The following RTN4RL2 variants were observed in gnomAD, a reference collection of about 807,000 sequenced individuals.
RTN4RL2 encodes the protein reticulon 4 receptor like 2, also known as reticulon-4 receptor-like 2.
RTN4RL2 carries 9 observed loss-of-function variants against 27.8 expected under a neutral mutation model. The observed-to-expected ratio is 0.32, with a 90% CI of 0.20 to 0.57. The LOEUF (loss-of-function observed/expected upper bound fraction) is 0.57, where lower values mean the gene tolerates loss of function less well. Ranked by LOEUF, RTN4RL2 falls within the 20% of genes least tolerant of loss-of-function variation. RTN4RL2 has a pLI of 0.90. For synonymous variants in RTN4RL2, 285 were observed against 297.9 expected (o/e 0.96, Z 0.45); for missense variants, 436 against 596.8 (o/e 0.73, Z 2.81).
chr11:57,464,012 C>T (rs754022189), intron 1 of RTN4RL2, among the ~76,000 whole-genome samples: 9 of 152,232 alleles, frequency 5.9e-5, no homozygotes, highest in African/African-American at 9.6e-5. Flanking sequence ...CTGCTTTGCA[C>T]GGCAGTGGCA....
chr11:57,465,651 C>G (rs1210706960), intron 1 of RTN4RL2, among the ~76,000 whole-genome samples: 1 of 152,120 alleles, frequency 6.6e-6, no homozygotes, highest in Non-Finnish European at 1.5e-5. Flanking sequence ...GTGTAGAGGT[C>G]AAGCTAGTTC....
chr11:57,473,137 T>C (rs1056085961), intron 2 of RTN4RL2, among the ~76,000 whole-genome samples: 6 of 152,170 alleles, frequency 3.9e-5, no homozygotes, highest in Non-Finnish European at 8.8e-5. Flanking sequence ...ATGATACCCA[T>C]CCTAGACTGA....
intron 1 of RTN4RL2, 98 bp downstream of exon 1, chr11:57,460,994 G>C: frequency 1.5e-6 from 1 of 681,152 alleles, no homozygotes; most frequent in Non-Finnish European, 2.2e-6. Flanking sequence ...TGGGGAGGTG[G>C]GGTAACCTGG....
At chr11:57,464,229 G>A (rs1231002227) in intron 1 of RTN4RL2, among the ~76,000 whole-genome samples, 1 of 152,166 alleles carries the variant, frequency 6.6e-6, no homozygotes, top group Non-Finnish European at 1.5e-5. Context: ...TGGGGAGCAG[G>A]AGAGTCTAGG....
At chr11:57,469,587 C>T (rs1007069426) in intron 2 of RTN4RL2, among the ~76,000 whole-genome samples, 4 of 152,114 alleles carry the variant, frequency 2.6e-5, no homozygotes, top group Admixed American at 2.0e-4. Flanking sequence ...GCTTGGCATA[C>T]GGTAAGTGCT....
chr11:57,476,539 A>G lies in RTN4RL2; in HGVS notation c.891A>G (p.Arg297=). The change falls in exon 3 of 3, where the codon CGA becomes CGG. Residue 297 remains arginine, a synonymous_variant. Coordinates refer to ENST00000335099, the MANE Select transcript of RTN4RL2 (RefSeq NM_178570.3). The surrounding 1 kb of genome is among the most constrained non-coding windows in gnomAD (Gnocchi z 8.2). ...TCATPPERQG[R]DLRALREADF... is the part of the protein sequence containing the mutation. Reference sequence around the variant, plus strand: ...CCACCCCCCCGGAGCGCCAGGGCCGAGACCTGCGCGCGCTCCGCGAGGCCG... The same window carrying G: ...CCACCCCCCCGGAGCGCCAGGGCCGGGACCTGCGCGCGCTCCGCGAGGCCG... 7.1e-7 allele frequency: 1 copy of G among 1,414,284 alleles called. No individual in the cohort carries two copies. Among genetic ancestry groups the G allele is most frequent in the South Asian group, 1.5e-5 (1 of 66,510 alleles). 87.6% of individuals were successfully genotyped at this position (1,414,284 alleles called of 1,614,324 possible).
In RTN4RL2 at chr11:57,476,280, A is replaced by T; in HGVS notation, c.632A>T (p.His211Leu). 1 of 1,612,244 alleles carries T rather than the reference A, an allele frequency of 6.2e-7. No homozygotes were observed. Among genetic ancestry groups the T allele is most frequent in the Non-Finnish European group, 8.5e-7 (1 of 1,179,480 alleles). Residue 211 changes from histidine to leucine, a missense_variant, in exon 3 of 3, where the codon CAC (histidine) becomes CTC (leucine). This residue lies in a region of RTN4RL2 where 365 missense variants were observed against 530.5 expected (regional missense o/e 0.69). Coordinates refer to ENST00000335099, the MANE Select transcript of RTN4RL2 (RefSeq NM_178570.3). The surrounding 1 kb of genome is among the most constrained non-coding windows in gnomAD (Gnocchi z 8.2). ...GLGSLDRLLL[H>L]GNRLQGVHRA... ...GGCAGCCTGGACCGGCTGCTGCTGC[A>T]CGGGAACCGGCTGCAGGGCGTGCAC...
At chr11:57,473,183 G>C (rs185488873) in intron 2 of RTN4RL2, among the ~76,000 whole-genome samples, 1 of 152,294 alleles carries the variant, frequency 6.6e-6, no homozygotes, top group African/African-American at 2.4e-5. Context: ...GCACAGAGTA[G>C]ACACTCGGTA....
intron 1 of RTN4RL2, among the ~76,000 whole-genome samples, chr11:57,463,749 G>C (rs1009548851): frequency 7.2e-5 from 11 of 152,106 alleles, no homozygotes; most frequent in African/African-American, 2.2e-4. Flanking sequence ...GTGAGAACAG[G>C]GGGTGGGGAA....
chr11:57,468,640 A>C, intron 2 of RTN4RL2: 1 of 1,536,262 alleles, frequency 6.5e-7, no homozygotes, highest in Non-Finnish European at 8.7e-7. Flanking sequence ...AAGTAGAGAG[A>C]GAAGGCAGAG....
chr11:57,472,474 G>A (rs1943569057), intron 2 of RTN4RL2, among the ~76,000 whole-genome samples: 2 of 152,110 alleles, frequency 1.3e-5, no homozygotes, highest in South Asian at 4.1e-4. Flanking sequence ...GCCTCCCAAA[G>A]TGCTGGGATT....
At chr11:57,465,220 G>A (rs1428944509) in intron 1 of RTN4RL2, among the ~76,000 whole-genome samples, 2 of 152,230 alleles carry the variant, frequency 1.3e-5, no homozygotes, top group Non-Finnish European at 2.9e-5. Context: ...TCAGTCCCAT[G>A]CGTGCACACC....
chr11:57,470,579 G>A (rs1486079616), intron 2 of RTN4RL2, among the ~76,000 whole-genome samples: 1 of 140,594 alleles, frequency 7.1e-6, no homozygotes, highest in Non-Finnish European at 1.5e-5. Flanking sequence ...GTTTTGTAAG[G>A]ATTAAAATGT....
intron 2 of RTN4RL2, among the ~76,000 whole-genome samples, chr11:57,472,400 G>A (rs753728657): frequency 3.9e-5 from 6 of 151,902 alleles, no homozygotes; most frequent in Non-Finnish European, 5.9e-5. Context: ...TTATAGAGAC[G>A]GGGTTTCACC....
chr11:57,461,456 CA>C (rs1255345262), intron 1 of RTN4RL2, among the ~76,000 whole-genome samples: 14 of 83,162 alleles, frequency 1.7e-4, no homozygotes, highest in African/African-American at 6.3e-4. Flanking sequence ...GGGGAGGGGT[CA>C]GGGGGAGAGG....
intron 2 of RTN4RL2, among the ~76,000 whole-genome samples, chr11:57,474,719 A>G (rs1205630660): frequency 6.6e-6 from 1 of 152,230 alleles, no homozygotes; most frequent in Non-Finnish European, 1.5e-5. Flanking sequence ...GATGGGTGCC[A>G]AGGCATTAGC....
In RTN4RL2 at chr11:57,467,165, G is replaced by A. The variant is rs1486130028; in HGVS notation, c.32-444G>A. Reference sequence around the variant, plus strand: ...ACTTGAGGCTATAACGTTGTCCCCTGAGCCCCCAGACATGGGAGCACCAGG... The same window carrying A: ...ACTTGAGGCTATAACGTTGTCCCCTAAGCCCCCAGACATGGGAGCACCAGG... On this transcript the variant is annotated intron_variant, in intron 1 of 2. Coordinates refer to ENST00000335099, the MANE Select transcript of RTN4RL2 (RefSeq NM_178570.3). The surrounding 1 kb of genome is among the most constrained non-coding windows in gnomAD (Gnocchi z 5.5). Among the ~76,000 whole-genome samples, 2 of 152,158 alleles carry A rather than the reference G, an allele frequency of 1.3e-5. No individual in the cohort carries two copies. Among genetic ancestry groups the A allele is most frequent in the African/African-American group, 2.4e-5 (1 of 41,438 alleles).
Position 57,476,103 on chromosome 11 carries a change from G to A in RTN4RL2, c.514-59G>A. 3 of 1,532,334 alleles carry A rather than the reference G, an allele frequency of 2.0e-6. No homozygotes were observed. Among genetic ancestry groups the A allele is most frequent in the South Asian group, 2.5e-5 (2 of 80,382 alleles). The allele number at this position is 1,532,334 out of a possible 1,614,324, so 94.9% of individuals were successfully genotyped here. A position where few individuals can be genotyped will look rare whatever the true frequency, so the allele number is the denominator to read the frequency against. On this transcript the variant is annotated intron_variant, in intron 2 of 2. Transcript: ENST00000335099. The surrounding 1 kb of genome is among the most constrained non-coding windows in gnomAD (Gnocchi z 8.2). ...CCTCCCCCGGCCAAGGCCCCAGCGG[G>A]GTCTGCACCCTACCTCAGGCCCATT...
Position 57,467,514 on chromosome 11 carries a change from G to T in RTN4RL2, c.32-95G>T. The T allele has an allele frequency of 4.6e-6, 7 of 1,511,182 alleles. No individual in the cohort carries two copies. The African/African-American group carries it at 5.6e-5, about 12-fold the overall frequency. 93.6% of individuals were successfully genotyped at this position (1,511,182 alleles called of 1,614,324 possible). ...CAGGTGTGAGCCACCATATTCAGCCGGGTCTAGGCCTTTTACCAAGTTGGG... is the reference window on the plus strand; with the variant it reads ...CAGGTGTGAGCCACCATATTCAGCCTGGTCTAGGCCTTTTACCAAGTTGGG... On this transcript the variant is annotated intron_variant, in intron 1 of 2. Transcript: ENST00000335099. The surrounding 1 kb of genome is among the most constrained non-coding windows in gnomAD (Gnocchi z 5.5).
Sources: allele counts gnomAD v4.1 joint callset (sites outside exome capture counted in the v4.1 genomes callset), GRCh38; gene constraint gnomAD v4.1.1; regional missense constraint gnomAD v4.1.1; non-coding constraint Gnocchi (gnomAD v3.1); transcripts MANE v1.5; gene names NCBI Gene and HGNC (gene_info 2026-07-23, HGNC 2026-07-21).